The following CDH13 variants were observed in gnomAD, a reference collection of about 807,000 sequenced individuals.
CDH13 encodes the protein cadherin-13.
In CDH13, 24 loss-of-function variants were observed where a neutral mutation model predicts 63.8. The ratio of observed to expected loss-of-function variants is 0.38; its 90% CI spans 0.27 to 0.53. The LOEUF (loss-of-function observed/expected upper bound fraction) is 0.53. Ranked by LOEUF, CDH13 falls within the 20% of genes least tolerant of loss-of-function variation. The pLI is 0.85. For missense variants in CDH13, 1,049 were observed against 903.1 expected (o/e 1.16, Z -2.07); for synonymous variants, 503 against 355.3 (o/e 1.42, Z -4.67).
At chr16:82,839,422 A>C (rs983809106) in intron 1 of CDH13, among the ~76,000 whole-genome samples, 1 of 152,092 alleles carries the variant, frequency 6.6e-6, no homozygotes, top group African/African-American at 2.4e-5. Flanking sequence ...TGTGCCATCA[A>C]TTTCCTGCTG....
At chr16:82,944,866 G>C (rs1488115335) in intron 2 of CDH13, among the ~76,000 whole-genome samples, 1 of 152,024 alleles carries the variant, frequency 6.6e-6, no homozygotes. Flanking sequence ...ATTTCACAAG[G>C]TATTAGGTAA....
intron 2 of CDH13, chr16:82,953,207 G>C (rs957769750): frequency 2.0e-5 from 3 of 152,030 alleles, no homozygotes; most frequent in South Asian, 4.2e-4. Context: ...ATTGTGAAAA[G>C]GTCAAGATAA....
At chr16:82,903,503 G>T (rs56327921) in intron 2 of CDH13, among the ~76,000 whole-genome samples, 22,232 of 152,072 alleles carry the variant, frequency 0.15, 1,815 homozygotes, top group African/African-American at 0.21. Context: ...TCCTAATTCT[G>T]GCCCTTCCTG....
chr16:83,178,665 G>A (rs903051142), intron 4 of CDH13, among the ~76,000 whole-genome samples: 33 of 152,052 alleles, frequency 2.2e-4, no homozygotes, highest in African/African-American at 6.3e-4. Flanking sequence ...AATTTTTCCC[G>A]CTCTGTGTTC....
At chr16:82,664,033 C>T (rs1345360424) in intron 1 of CDH13, among the ~76,000 whole-genome samples, 1 of 152,200 alleles carries the variant, frequency 6.6e-6, no homozygotes, top group Non-Finnish European at 1.5e-5. Context: ...GAGGCAGTGA[C>T]TTTGAAATTC....
chr16:83,210,218 C>T (rs565141875), intron 4 of CDH13, among the ~76,000 whole-genome samples: 2 of 152,118 alleles, frequency 1.3e-5, no homozygotes, highest in South Asian at 4.2e-4. Context: ...GCGCCTGCCA[C>T]CACGCCTAGC....
intron 4 of CDH13, among the ~76,000 whole-genome samples, chr16:83,128,475 C>T (rs2035907878): frequency 6.6e-6 from 1 of 152,022 alleles, no homozygotes; most frequent in Admixed American, 6.6e-5. Context: ...TGCACTTTCT[C>T]CTCCTGTCCA....
intron 3 of CDH13, among the ~76,000 whole-genome samples, chr16:83,053,308 G>T (rs2030579246): frequency 6.6e-6 from 1 of 152,086 alleles, no homozygotes; most frequent in Admixed American, 6.6e-5. Context: ...GTCTCGGGAG[G>T]TGTCACTAGG....
chr16:83,482,139 C>T (rs760222827), intron 6 of CDH13, among the ~76,000 whole-genome samples: 2 of 152,204 alleles, frequency 1.3e-5, no homozygotes, highest in Non-Finnish European at 2.9e-5. Context: ...GTTGTTCATT[C>T]TTCTTGGAAG....
At chr16:82,812,827 C>T (rs375220034) in intron 1 of CDH13, among the ~76,000 whole-genome samples, 2 of 150,836 alleles carry the variant, frequency 1.3e-5, no homozygotes, top group Non-Finnish European at 3.0e-5. Flanking sequence ...TCCTTCCTTC[C>T]TCCCTTCCTT....
intron 8 of CDH13, among the ~76,000 whole-genome samples, chr16:83,632,035 G>C (rs1383031649): frequency 1.3e-5 from 2 of 152,198 alleles, no homozygotes; most frequent in Admixed American, 6.5e-5. Context: ...GTGGTAGTTT[G>C]AGAGAACAGG....
chr16:82,737,810 T>A (rs868181750), intron 1 of CDH13, among the ~76,000 whole-genome samples: 4 of 152,234 alleles, frequency 2.6e-5, no homozygotes, highest in East Asian at 3.9e-4. Context: ...TGAGGTATAA[T>A]TGACCTACAA....
At chr16:82,712,512 C>T (rs776756884) in intron 1 of CDH13, among the ~76,000 whole-genome samples, 1 of 152,106 alleles carries the variant, frequency 6.6e-6, no homozygotes, top group African/African-American at 2.4e-5. Context: ...TTTCTCTTAC[C>T]ACGCCTATCA....
At chr16:83,082,662 A>G (rs2033334018) in intron 3 of CDH13, among the ~76,000 whole-genome samples, 1 of 152,122 alleles carries the variant, frequency 6.6e-6, no homozygotes, top group East Asian at 1.9e-4. Context: ...GAAAAGAAAT[A>G]AAAACACCAG....
At chr16:82,664,217 A>G (rs181962486) in intron 1 of CDH13, among the ~76,000 whole-genome samples, 185 of 152,338 alleles carry the variant, frequency 1.2e-3, no homozygotes, top group Non-Finnish European at 2.3e-3. Context: ...TGTGCTGCAA[A>G]GCAACGTGCC....
At chr16:82,990,040 G>A (rs1911463043) in intron 2 of CDH13, 1 of 151,698 alleles carries the variant, frequency 6.6e-6, no homozygotes, top group African/African-American at 2.4e-5. Context: ...TCTTATTTCA[G>A]CCCTGCAGTG....
intron 1 of CDH13, among the ~76,000 whole-genome samples, chr16:82,669,722 T>A (rs1913013145): frequency 1.3e-5 from 2 of 152,222 alleles, no homozygotes; most frequent in Admixed American, 6.5e-5. Context: ...AGAATGTAGA[T>A]CAATTAAGCA....
chr16:83,215,895 A>C (rs542716329), intron 4 of CDH13, among the ~76,000 whole-genome samples: 9 of 152,144 alleles, frequency 5.9e-5, no homozygotes, highest in Non-Finnish European at 1.2e-4. Flanking sequence ...TGATAAAGTG[A>C]CATAAATATA....
At chr16:83,069,758 G>T (rs539563828) in intron 3 of CDH13, among the ~76,000 whole-genome samples, 4 of 152,122 alleles carry the variant, frequency 2.6e-5, no homozygotes, top group Non-Finnish European at 5.9e-5. Context: ...TGCTAACCCT[G>T]TTCAGAGTGG....
Sources: allele counts gnomAD v4.1 joint callset (sites outside exome capture counted in the v4.1 genomes callset), GRCh38; gene constraint gnomAD v4.1.1; transcripts MANE v1.5; gene names NCBI Gene and HGNC (gene_info 2026-07-23, HGNC 2026-07-21).